The following KCNIP4 variants were observed in gnomAD, a reference collection of about 807,000 sequenced individuals.
KCNIP4 encodes the protein Kv channel-interacting protein 4.
KCNIP4 carries 12 observed loss-of-function variants against 34.0 expected under a neutral mutation model. That is an observed-to-expected ratio of 0.35 (90% CI 0.23 to 0.57). The LOEUF is 0.57. Ranked by LOEUF, KCNIP4 falls within the 20% of genes least tolerant of loss-of-function variation. KCNIP4 has a pLI of 0.83. For synonymous variants in KCNIP4, 124 were observed against 102.2 expected (o/e 1.21, Z -1.29); for missense variants, 238 against 311.7 (o/e 0.76, Z 1.78).
intron 1 of KCNIP4, among the ~76,000 whole-genome samples, chr4:21,275,929 C>G (rs1164624422): frequency 6.6e-6 from 1 of 152,144 alleles, no homozygotes; most frequent in Admixed American, 6.5e-5. Context: ...ATAAAATACA[C>G]TAACAGTAAT....
intron 1 of KCNIP4, among the ~76,000 whole-genome samples, chr4:21,575,599 G>A (rs954326636): frequency 6.6e-6 from 1 of 150,594 alleles, no homozygotes; most frequent in African/African-American, 2.5e-5. Context: ...CACGTTTTCT[G>A]TTATCTGCAT....
At chr4:20,785,079 G>A (rs578255273) in intron 3 of KCNIP4, among the ~76,000 whole-genome samples, 1 of 152,232 alleles carries the variant, frequency 6.6e-6, no homozygotes, top group African/African-American at 2.4e-5. Flanking sequence ...AGGAAACACT[G>A]TTGGACCACT....
intron 1 of KCNIP4, among the ~76,000 whole-genome samples, chr4:21,501,946 C>T (rs1212625026): frequency 2.0e-5 from 3 of 151,120 alleles, no homozygotes; most frequent in Non-Finnish European, 4.4e-5. Flanking sequence ...TGAATACATA[C>T]ATAGACAAAT....
At chr4:21,929,963 C>A (rs1342773355) in intron 1 of KCNIP4, among the ~76,000 whole-genome samples, 6 of 152,130 alleles carry the variant, frequency 3.9e-5, no homozygotes, top group Non-Finnish European at 8.8e-5. Flanking sequence ...TCACTTAATT[C>A]TAGTCTGTTT....
chr4:21,596,149 A>G (rs1467575754), intron 1 of KCNIP4, among the ~76,000 whole-genome samples: 10 of 152,148 alleles, frequency 6.6e-5, no homozygotes, highest in Non-Finnish European at 1.5e-4. Context: ...TGTATCTCAT[A>G]GAATTCCAAA....
chr4:21,102,726 C>G (rs567870883), intron 1 of KCNIP4, among the ~76,000 whole-genome samples: 2 of 152,108 alleles, frequency 1.3e-5, no homozygotes, highest in Non-Finnish European at 2.9e-5. Flanking sequence ...AGACATTATA[C>G]ATTTTCTTTG....
At chr4:21,080,677 A>G (rs1007979466) in intron 1 of KCNIP4, among the ~76,000 whole-genome samples, 2 of 151,732 alleles carry the variant, frequency 1.3e-5, no homozygotes, top group Non-Finnish European at 2.9e-5. Flanking sequence ...CTCCTAAGAT[A>G]TAAGATCTTG....
chr4:21,227,617 G>A (rs1274298476), intron 1 of KCNIP4, among the ~76,000 whole-genome samples: 3 of 151,990 alleles, frequency 2.0e-5, no homozygotes, highest in Admixed American at 6.6e-5. Flanking sequence ...TTAAGTTCCA[G>A]GACTGTGACT....
In KCNIP4 at chr4:21,234,708, T is replaced by C. The variant is rs1054711146; in HGVS notation, c.62-351999A>G. On this transcript the variant is annotated intron_variant, in intron 1 of 8. Transcript: ENST00000382152. ...TGTCACCCAGGCTGGAGTACAGTGG[T>C]GCAATCTCAGCTCACCACAACCTCT... Among the ~76,000 whole-genome samples, 4 of 150,610 alleles carry C rather than the reference T, an allele frequency of 2.7e-5. No homozygotes were observed. The Admixed American group carries it at 2.7e-4, about 10-fold the overall frequency.
chr4:20,826,135 TGAG>T (rs959039437), intron 3 of KCNIP4, among the ~76,000 whole-genome samples: 37 of 152,142 alleles, frequency 2.4e-4, no homozygotes, highest in African/African-American at 8.9e-4. Flanking sequence ...CAAAAAGTTT[TGAG>T]GAGAAGAGGA....
intron 1 of KCNIP4, among the ~76,000 whole-genome samples, chr4:21,693,685 T>C (rs146756242): frequency 7.9e-5 from 12 of 152,352 alleles, no homozygotes; most frequent in African/African-American, 2.6e-4. Flanking sequence ...GTGAAACAAA[T>C]GGACAAATGT....
At chr4:21,213,978 G>T (rs1757398160) in intron 1 of KCNIP4, among the ~76,000 whole-genome samples, 1 of 152,132 alleles carries the variant, frequency 6.6e-6, no homozygotes, top group African/African-American at 2.4e-5. Context: ...CATTTACAAA[G>T]ACCTGGATTT....
At chr4:20,847,041 A>G (rs1227824648) in intron 3 of KCNIP4, among the ~76,000 whole-genome samples, 1 of 152,176 alleles carries the variant, frequency 6.6e-6, no homozygotes, top group Non-Finnish European at 1.5e-5. Context: ...ATAATTATGT[A>G]GTCCAAAACC....
intron 1 of KCNIP4, among the ~76,000 whole-genome samples, chr4:21,323,233 C>G (rs1157735379): frequency 6.6e-6 from 1 of 150,774 alleles, no homozygotes; most frequent in African/African-American, 2.4e-5. Context: ...TGAGATATCT[C>G]TAACCTCAAG....
At chr4:21,777,852 A>T (rs1456048181) in intron 1 of KCNIP4, among the ~76,000 whole-genome samples, 1 of 152,192 alleles carries the variant, frequency 6.6e-6, no homozygotes, top group Non-Finnish European at 1.5e-5. Context: ...TTTTCCTCTT[A>T]TATACAGCCA....
At chr4:21,812,322 C>T (rs1167118142) in intron 1 of KCNIP4, among the ~76,000 whole-genome samples, 1 of 151,886 alleles carries the variant, frequency 6.6e-6, no homozygotes, top group African/African-American at 2.4e-5. Context: ...TTTATAATAC[C>T]CTCCAGAACA....
intron 1 of KCNIP4, among the ~76,000 whole-genome samples, chr4:21,389,152 A>T (rs1651076976): frequency 6.6e-6 from 1 of 151,422 alleles, no homozygotes; most frequent in Non-Finnish European, 1.5e-5. Flanking sequence ...TACCTAACTA[A>T]TTTTTTTTAT....
At chr4:21,170,884 A>G (rs1753976667) in intron 1 of KCNIP4, among the ~76,000 whole-genome samples, 1 of 152,174 alleles carries the variant, frequency 6.6e-6, no homozygotes, top group African/African-American at 2.4e-5. Flanking sequence ...AACTCCTTGC[A>G]TTAGATGAAT....
intron 3 of KCNIP4, among the ~76,000 whole-genome samples, chr4:20,795,425 TTCATAGTTTTCATTCTAATTTG>T (rs1447825265): frequency 3.3e-5 from 5 of 152,170 alleles, no homozygotes; most frequent in Non-Finnish European, 7.4e-5. Context: ...AATATCAGTT[TTCATAGTTTTCATTCTAATTTG>T]TCATAGTTTT....
Sources: gnomAD v4.1 joint callset for allele counts (sites outside exome capture counted in the v4.1 genomes callset) on GRCh38, gnomAD v4.1.1 for gene constraint, MANE v1.5 for transcripts, NCBI Gene and HGNC (gene_info 2026-07-23, HGNC 2026-07-21) for gene names.